Variants in SCIN observed in about 807,000 individuals in gnomAD.
The protein encoded by SCIN is scinderin.
SCIN carries 91 observed loss-of-function variants against 91.8 expected under a neutral mutation model. That is an observed-to-expected ratio of 0.99 (90% CI 0.84 to 1.18). The LOEUF is 1.18. Ranked by LOEUF, SCIN falls within the 50% of genes most tolerant of loss-of-function variation. The pLI is 0.00. For missense variants in SCIN, 1,087 were observed against 863.9 expected, an observed-to-expected ratio of 1.26 and a Z score of -3.24; for synonymous variants, 367 against 312.6, an observed-to-expected ratio of 1.17 and a Z score of -1.84.
rs1033243782 is a variant in SCIN at position 12,629,179 on chromosome 7, A to G, written c.1276A>G (p.Ile426Val). The stretch of plus-strand genomic sequence containing the variant: ...TGAATTCTATGGTGGTGACTGCTAC[A>G]TCATACTCTACACCTATCCCAGAGG... The part of the protein sequence containing the change: ...YGEFYGGDCY[I>V]ILYTYPRGQI... Residue 426 changes from isoleucine (I) to valine (V), a missense_variant, in exon 9 of 16, where the codon ATC (isoleucine) becomes GTC (valine). Ile to Val is a conservative substitution (Grantham distance 29). Coordinates refer to ENST00000297029, the MANE Select transcript of SCIN (RefSeq NM_001112706.3). The G allele has an allele frequency of 1.3e-5, 21 of 1,613,330 alleles. No homozygotes were observed. The highest frequency in any genetic ancestry group is 1.7e-5 in the Non-Finnish European group (20 of 1,179,576).
chr7:12,601,778 G>A (rs1013137100), intron 3 of SCIN, among the ~76,000 whole-genome samples: 3 of 152,132 alleles, frequency 2.0e-5, no homozygotes, highest in African/African-American at 7.2e-5. Flanking sequence ...GCCAGAGCTT[G>A]TGTTTTTGTT....
rs752321901 is a variant in SCIN, at chr7:12,651,169, G to A, written c.1960-672G>A. Among the ~76,000 whole-genome samples the A allele has an allele frequency of 7.2e-5, 11 of 152,196 alleles. No individual in the cohort carries two copies. Among genetic ancestry groups the A allele is most frequent in the Non-Finnish European group, 1.5e-4 (10 of 68,030 alleles). On this transcript the variant is annotated intron_variant, in intron 14 of 15. Coordinates refer to ENST00000297029, the MANE Select transcript of SCIN (RefSeq NM_001112706.3). This position sits in a 1 kb window ranked among gnomAD's most constrained non-coding sequence, Gnocchi z 5.9. The stretch of plus-strand genomic sequence containing the variant: ...AGAAAGAATGGGGGATTGCAGGATG[G>A]CAAAACTGGTTATGGGAGGGAGAGA...
rs111781016 is a variant in SCIN, at chr7:12,639,507, G to A, written c.1411-840G>A. 1.2e-3 allele frequency among the ~76,000 whole-genome samples: 183 copies of A among 152,276 alleles called. 1 individual carries two copies. The highest frequency in any genetic ancestry group is 4.1e-3 in the African/African-American group (172 of 41,564). On this transcript the variant is annotated intron_variant, in intron 10 of 15. Coordinates refer to ENST00000297029, the MANE Select transcript of SCIN (RefSeq NM_001112706.3). ...GACAGTTCAATTTTAGCACAGGGCA[G>A]AACAAATGAAAACAATGGGAGACTG...
intron 2 of SCIN, among the ~76,000 whole-genome samples, chr7:12,579,731 T>C (rs1377944553): frequency 1.3e-5 from 2 of 152,098 alleles, no homozygotes; most frequent in Admixed American, 1.3e-4. Flanking sequence ...GCCTGACCAA[T>C]ATGGTGAAAC....
intron 3 of SCIN, among the ~76,000 whole-genome samples, chr7:12,601,433 C>T (rs1175295738): frequency 6.6e-6 from 1 of 152,122 alleles, no homozygotes; most frequent in African/African-American, 2.4e-5. Flanking sequence ...CTATCAAATA[C>T]CCAGAAAGTG....
At chr7:12,577,088 A>G (rs965282524) in intron 1 of SCIN, among the ~76,000 whole-genome samples, 4 of 152,172 alleles carry the variant, frequency 2.6e-5, no homozygotes, top group Non-Finnish European at 5.9e-5. Context: ...GATGTGTATT[A>G]CAATTGTGAA....
chr7:12,584,143 C>A, intron 3 of SCIN, among the ~76,000 whole-genome samples: 1 of 152,174 alleles, frequency 6.6e-6, no homozygotes, highest in African/African-American at 2.4e-5. Context: ...TCTTGAACTA[C>A]CTTGGCAACT....
chr7:12,607,902 G>T (rs986969408), intron 4 of SCIN, among the ~76,000 whole-genome samples: 1 of 152,170 alleles, frequency 6.6e-6, no homozygotes, highest in Non-Finnish European at 1.5e-5. Context: ...CATGAACTTG[G>T]TTGGGAAGAA....
intron 4 of SCIN, among the ~76,000 whole-genome samples, chr7:12,622,383 T>C (rs1030529127): frequency 2.0e-5 from 3 of 152,148 alleles, no homozygotes; most frequent in Non-Finnish European, 2.9e-5. Context: ...CTCCAAATAG[T>C]AATTTTGATT....
chr7:12,612,206 T>C (rs1783206526), intron 4 of SCIN, among the ~76,000 whole-genome samples: 1 of 152,206 alleles, frequency 6.6e-6, no homozygotes, highest in South Asian at 2.1e-4. Context: ...AAATATTTTG[T>C]AATCCCTCAT....
chr7:12,638,381 A>G (rs1352310170), intron 10 of SCIN, among the ~76,000 whole-genome samples: 1 of 152,138 alleles, frequency 6.6e-6, no homozygotes, highest in Non-Finnish European at 1.5e-5. Context: ...CTGAGAAGCC[A>G]TCTGCTCCCA....
chr7:12,632,466 T>C lies in SCIN; in HGVS notation c.1319+3244T>C, dbSNP rs564257473. 2.6e-5 allele frequency among the ~76,000 whole-genome samples: 4 copies of C among 152,190 alleles called. No individual in the cohort carries two copies. The South Asian group carries it at 8.3e-4, about 32-fold the overall frequency. ...TTTAGATAAATTATTCTGATTGACA[T>C]GTACAGAATGGATTGGTGGAGGAAG... On this transcript the variant is annotated intron_variant, in intron 9 of 15. Transcript: ENST00000297029.
intron 4 of SCIN, among the ~76,000 whole-genome samples, chr7:12,614,271 A>G (rs568516657): frequency 6.6e-6 from 1 of 152,138 alleles, no homozygotes; most frequent in African/African-American, 2.4e-5. Flanking sequence ...CATTTTCTTG[A>G]TGGCATACAA....
At chr7:12,593,284 C>G (rs1243273939) in intron 3 of SCIN, among the ~76,000 whole-genome samples, 1 of 152,130 alleles carries the variant, frequency 6.6e-6, no homozygotes, top group African/African-American at 2.4e-5. Flanking sequence ...TTAGCACGAT[C>G]TCTTTGGGCT....
intron 3 of SCIN, among the ~76,000 whole-genome samples, chr7:12,588,462 A>G (rs774606278): frequency 9.2e-5 from 14 of 152,120 alleles, no homozygotes; most frequent in Non-Finnish European, 1.5e-4. Context: ...GCCGAGAGAA[A>G]GGACGAGAGA....
intron 5 of SCIN, among the ~76,000 whole-genome samples, chr7:12,623,178 A>G (rs993062086): frequency 2.6e-5 from 4 of 152,196 alleles, no homozygotes; most frequent in Non-Finnish European, 5.9e-5. Flanking sequence ...TTGATATATA[A>G]TACTCAATAC....
chr7:12,581,811 C>T (rs995929639), intron 3 of SCIN, among the ~76,000 whole-genome samples: 8 of 152,288 alleles, frequency 5.3e-5, no homozygotes, highest in African/African-American at 1.9e-4. Flanking sequence ...ACTTATTAAT[C>T]ATTACTGTCA....
chr7:12,597,490 G>A (rs1782867669), intron 3 of SCIN, among the ~76,000 whole-genome samples: 1 of 152,144 alleles, frequency 6.6e-6, no homozygotes, highest in South Asian at 2.1e-4. Context: ...AGGCTGTTTT[G>A]GGTGCTCCTT....
intron 4 of SCIN, among the ~76,000 whole-genome samples, chr7:12,610,777 G>C (rs849786): frequency 0.94 from 143,763 of 152,288 alleles, 67,927 homozygotes; most frequent in East Asian, 1. Flanking sequence ...GTGATAGTTA[G>C]AACCAGCCTC....
Sources: allele counts gnomAD v4.1 joint callset (sites outside exome capture counted in the v4.1 genomes callset), GRCh38; gene constraint gnomAD v4.1.1; non-coding constraint Gnocchi (gnomAD v3.1); transcripts MANE v1.5; gene names NCBI Gene and HGNC (gene_info 2026-07-23, HGNC 2026-07-21).